The following VKORC1L1 variants were observed in gnomAD, a reference collection of about 807,000 sequenced individuals.
The protein encoded by VKORC1L1 is vitamin K epoxide reductase complex subunit 1-like protein 1.
A neutral mutation model predicts 18.9 loss-of-function variants in VKORC1L1; 2 were observed. The ratio of observed to expected loss-of-function variants is 0.11; its 90% CI spans 0.04 to 0.33. The LOEUF (loss-of-function observed/expected upper bound fraction) is 0.33. Among genes scored for constraint, VKORC1L1 ranks in the 10% least tolerant of loss-of-function variants. The pLI is 1.00. For synonymous variants in VKORC1L1, 96 were observed against 100.0 expected (o/e 0.96, Z 0.24); for missense variants, 123 against 224.1 (o/e 0.55, Z 2.88).
chr7:65,899,674 G>A (rs1456039369), intron 1 of VKORC1L1, among the ~76,000 whole-genome samples: 1 of 152,142 alleles, frequency 6.6e-6, no homozygotes, highest in Non-Finnish European at 1.5e-5. Context: ...TGTGAAAACA[G>A]CTGGAGTTAC....
At chr7:65,946,661 C>A (rs1288176293) in intron 1 of VKORC1L1, among the ~76,000 whole-genome samples, 2 of 152,126 alleles carry the variant, frequency 1.3e-5, no homozygotes, top group Non-Finnish European at 2.9e-5. Context: ...ATTTGTTTAC[C>A]TGTTTATTAT....
chr7:65,937,425 A>G (rs1282415387), intron 1 of VKORC1L1, among the ~76,000 whole-genome samples: 1 of 151,996 alleles, frequency 6.6e-6, no homozygotes, highest in Admixed American at 6.6e-5. Context: ...TTGAGATAGT[A>G]TCTCATTCTT....
chr7:65,936,311 T>A (rs979344975), intron 1 of VKORC1L1, among the ~76,000 whole-genome samples: 13 of 152,344 alleles, frequency 8.5e-5, no homozygotes, highest in African/African-American at 2.9e-4. Context: ...TTGTTTCTCT[T>A]GAGAACTGGT....
intron 1 of VKORC1L1, among the ~76,000 whole-genome samples, chr7:65,921,411 G>A (rs569387564): frequency 9.2e-4 from 140 of 152,114 alleles, no homozygotes; most frequent in Middle Eastern, 3.4e-3. Context: ...TTAGAGACAA[G>A]GTCTTGCTGT....
At chr7:65,925,610 T>C (rs980792669) in intron 1 of VKORC1L1, among the ~76,000 whole-genome samples, 1 of 152,148 alleles carries the variant, frequency 6.6e-6, no homozygotes, top group Non-Finnish European at 1.5e-5. Context: ...GAAATAGGTG[T>C]TGGAAGCAGT....
At chr7:65,899,072 A>G (rs753053646) in intron 1 of VKORC1L1, among the ~76,000 whole-genome samples, 1 of 152,370 alleles carries the variant, frequency 6.6e-6, no homozygotes, top group Middle Eastern at 3.4e-3. Context: ...GATTAATTAC[A>G]TGGTAAAAAG....
intron 1 of VKORC1L1, among the ~76,000 whole-genome samples, chr7:65,890,962 C>G (rs1376487354): frequency 1.3e-5 from 2 of 152,154 alleles, no homozygotes; most frequent in Non-Finnish European, 2.9e-5. Flanking sequence ...ATGGTAATTT[C>G]CAGAAAGAAG....
intron 1 of VKORC1L1, among the ~76,000 whole-genome samples, chr7:65,923,420 T>C (rs540674181): frequency 2.7e-4 from 40 of 148,856 alleles, no homozygotes; most frequent in Non-Finnish European, 5.4e-4. Context: ...AAAAAAAAGA[T>C]GATAGTAATT....
At chr7:65,950,634 A>G (rs1211554486) in intron 2 of VKORC1L1, among the ~76,000 whole-genome samples, 1 of 152,246 alleles carries the variant, frequency 6.6e-6, no homozygotes, top group East Asian at 1.9e-4. Flanking sequence ...AATAGCAAAA[A>G]AAAAATGGAG....
upstream of VKORC1L1, among the ~76,000 whole-genome samples, chr7:65,871,200 T>C (rs1788721331): frequency 6.6e-6 from 1 of 152,068 alleles, no homozygotes; most frequent in Non-Finnish European, 1.5e-5. Flanking sequence ...CTTTCTTTTT[T>C]TTCTTCTTTT....
At chr7:65,883,339 C>T (rs1408426972) in intron 1 of VKORC1L1, among the ~76,000 whole-genome samples, 10 of 151,848 alleles carry the variant, frequency 6.6e-5, no homozygotes, top group African/African-American at 1.7e-4. Context: ...TTAGTAGAGA[C>T]GGGGTTTCAC....
At chr7:65,936,136 AT>A (rs546678868) in intron 1 of VKORC1L1, among the ~76,000 whole-genome samples, 197 of 133,906 alleles carry the variant, frequency 1.5e-3, no homozygotes, top group East Asian at 5.6e-3. Flanking sequence ...TATAGTTTCC[AT>A]TTTTTTTTTT....
At chr7:65,897,546 A>G (rs1268789739) in intron 1 of VKORC1L1, among the ~76,000 whole-genome samples, 1 of 152,196 alleles carries the variant, frequency 6.6e-6, no homozygotes, top group Non-Finnish European at 1.5e-5. Flanking sequence ...ACCCAACATG[A>G]ATGACTCACA....
intron 2 of VKORC1L1, among the ~76,000 whole-genome samples, chr7:65,951,505 CAG>C (rs1486745271): frequency 5.9e-5 from 9 of 151,792 alleles, no homozygotes; most frequent in East Asian, 3.9e-4. Context: ...ACCTGGGAGA[CAG>C]AGGTTGCAGT....
chr7:65,883,152 T>C (rs1323109884), intron 1 of VKORC1L1, among the ~76,000 whole-genome samples: 6 of 147,348 alleles, frequency 4.1e-5, no homozygotes, highest in Non-Finnish European at 7.5e-5. Context: ...TTTTTTTTTT[T>C]TTTTTTGGAG....
intron 2 of VKORC1L1, among the ~76,000 whole-genome samples, chr7:65,953,522 A>G (rs1437731711): frequency 2.6e-5 from 4 of 152,224 alleles, no homozygotes; most frequent in Non-Finnish European, 5.9e-5. Context: ...CTTTGTGTGC[A>G]TATTTTCAAC....
At chr7:65,944,049 TG>T (rs1336750076) in intron 1 of VKORC1L1, among the ~76,000 whole-genome samples, 1 of 152,084 alleles carries the variant, frequency 6.6e-6, no homozygotes, top group Non-Finnish European at 1.5e-5. Context: ...GAGGCTTCAG[TG>T]GGCGGATCAC....
intron 1 of VKORC1L1, among the ~76,000 whole-genome samples, chr7:65,942,398 A>G (rs1790050146): frequency 6.7e-6 from 1 of 149,932 alleles, no homozygotes; most frequent in Non-Finnish European, 1.5e-5. Context: ...AGGCTGAGGC[A>G]GGAAAATGGC....
chr7:65,896,640 CTT>C (rs1320348374), intron 1 of VKORC1L1, among the ~76,000 whole-genome samples: 2 of 147,902 alleles, frequency 1.4e-5, no homozygotes, highest in Admixed American at 6.9e-5. Flanking sequence ...TCCTGCCTCT[CTT>C]ATGATTCTTC....
Sources: allele counts gnomAD v4.1 joint callset (sites outside exome capture counted in the v4.1 genomes callset), GRCh38; gene constraint gnomAD v4.1.1; transcripts MANE v1.5; gene names NCBI Gene and HGNC (gene_info 2026-07-23, HGNC 2026-07-21).